B3GLCT: variants seen among roughly 807,000 people sequenced by gnomAD.
B3GLCT encodes beta 3-glucosyltransferase.
B3GLCT carries 65 observed loss-of-function variants against 63.4 expected under a neutral mutation model. That is an observed-to-expected ratio of 1.03 (90% CI 0.84 to 1.26). The LOEUF is 1.26. Among genes scored for constraint, B3GLCT ranks in the 50% most tolerant of loss-of-function variants. The pLI is 0.00. For synonymous variants in B3GLCT, 233 were observed against 219.2 expected (o/e 1.06, Z -0.55); for missense variants, 577 against 604.8 (o/e 0.95, Z 0.48).
At chr13:31,284,286 T>C (rs1244378870) in intron 10 of B3GLCT, among the ~76,000 whole-genome samples, 2 of 152,180 alleles carry the variant, frequency 1.3e-5, no homozygotes, top group Non-Finnish European at 2.9e-5. Context: ...CTTCTCATGC[T>C]CCACGGTAAG....
intron 4 of B3GLCT, 149 bp downstream of exon 4, chr13:31,229,443 G>A (rs146482083): frequency 9.9e-5 from 69 of 695,124 alleles, no homozygotes; most frequent in Non-Finnish European, 1.7e-4. Flanking sequence ...TTGAGTATTT[G>A]TTGTTGAAAA....
intron 2 of B3GLCT, among the ~76,000 whole-genome samples, chr13:31,217,309 T>G (rs1869610560): frequency 6.6e-6 from 1 of 152,198 alleles, no homozygotes; most frequent in African/African-American, 2.4e-5. Flanking sequence ...TTTTGCTTGT[T>G]GATTAGCTTA....
rs906926740 is a variant in B3GLCT at position 31,329,708 on chromosome 13, A to G, written c.*40A>G. 5 of 1,607,376 alleles carry G rather than the reference A, an allele frequency of 3.1e-6. No homozygotes were observed. In the African/African-American group the frequency reaches 6.7e-5, roughly 21 times the overall value. Reference sequence around the variant, plus strand: ...TGCGCCTAGCCTGCGCAGGGAATGAACTGGAGACTGTGGCCTCATCCCACT... The same window carrying G: ...TGCGCCTAGCCTGCGCAGGGAATGAGCTGGAGACTGTGGCCTCATCCCACT... On this transcript the variant is annotated 3_prime_UTR_variant, in exon 15 of 15. Coordinates refer to ENST00000343307, the MANE Select transcript of B3GLCT (RefSeq NM_194318.4).
At chr13:31,291,346 T>C (rs576258604) in intron 12 of B3GLCT, among the ~76,000 whole-genome samples, 1 of 152,362 alleles carries the variant, frequency 6.6e-6, no homozygotes, top group East Asian at 1.9e-4. Flanking sequence ...TAAAATAGTT[T>C]TTTCTAATTC....
At chr13:31,218,442 T>C (rs1396330362) in intron 2 of B3GLCT, among the ~76,000 whole-genome samples, 2 of 152,154 alleles carry the variant, frequency 1.3e-5, no homozygotes, top group African/African-American at 2.4e-5. Flanking sequence ...TGCCTCAGCC[T>C]CCCAAAGTGC....
At chr13:31,325,351 C>T (rs1056334138) in intron 14 of B3GLCT, among the ~76,000 whole-genome samples, 8 of 152,182 alleles carry the variant, frequency 5.3e-5, no homozygotes, top group African/African-American at 9.7e-5. Context: ...CCCTCTCTTG[C>T]TCTGTCTCAT....
chr13:31,248,869 G>A (rs537295898), intron 6 of B3GLCT, among the ~76,000 whole-genome samples: 5 of 152,188 alleles, frequency 3.3e-5, no homozygotes, highest in Admixed American at 6.5e-5. Context: ...TTGCTGCTGG[G>A]CTATGTTCAA....
Position 31,247,932 on chromosome 13 carries a change from T to C in B3GLCT, c.425T>C (p.Leu142Pro). ...EEETRIQIPK[L>P]LETLRRYDPS... ...GAGACAAGAATACAGATTCCAAAAC[T>C]CTTGGAAACCCTCAGAAGATATGAC... The change falls in exon 6 of 15, where the codon CTC becomes CCC. Residue 142 changes from leucine (L) to proline (P), a missense_variant. Transcript: ENST00000343307. 1.2e-6 allele frequency: 2 copies of C among 1,609,922 alleles called. No individual in the cohort carries two copies. The highest frequency in any genetic ancestry group is 1.7e-6 in the Non-Finnish European group (2 of 1,176,378).
In B3GLCT at chr13:31,261,005, C is replaced by A. The variant is rs745980708; in HGVS notation, c.519C>A (p.Ala173=). Residue 173 remains alanine (A), a synonymous_variant, in exon 7 of 15, where the codon GCC becomes GCA. Transcript: ENST00000343307. The stretch of plus-strand genomic sequence containing the variant: ...AAGCTACAATAATTCACCATTATGC[C>A]TTTTCCGAGAATCCTACAGTTTTTA... ...DEEATIIHHY[A]FSENPTVFKY... is the part of the protein sequence containing the mutation. 6.2e-7 allele frequency: 1 copy of A among 1,613,666 alleles called. No homozygotes were observed. Among genetic ancestry groups the A allele is most frequent in the East Asian group, 2.2e-5 (1 of 44,852 alleles).
At chr13:31,210,707 C>T (rs964651572) in intron 1 of B3GLCT, among the ~76,000 whole-genome samples, 13 of 152,138 alleles carry the variant, frequency 8.5e-5, no homozygotes, top group African/African-American at 3.1e-4. Flanking sequence ...AGTGGTATAG[C>T]ATATTCAGTG....
At chr13:31,240,968 T>C (rs1870912319) in intron 4 of B3GLCT, among the ~76,000 whole-genome samples, 2 of 152,318 alleles carry the variant, frequency 1.3e-5, no homozygotes, top group Admixed American at 1.3e-4. Context: ...ACTTAAATAA[T>C]ACTGTCCTTT....
chr13:31,261,005 C>G lies in B3GLCT; in HGVS notation c.519C>G (p.Ala173=), dbSNP rs745980708. ...AAGCTACAATAATTCACCATTATGC[C>G]TTTTCCGAGAATCCTACAGTTTTTA... is the stretch of plus-strand genomic sequence containing the variant. ...DEEATIIHHY[A]FSENPTVFKY... Residue 173 remains alanine, a synonymous_variant, in exon 7 of 15, where the codon GCC becomes GCG. Coordinates refer to ENST00000343307, the MANE Select transcript of B3GLCT (RefSeq NM_194318.4). 2 of 1,613,666 alleles carry G rather than the reference C, an allele frequency of 1.2e-6. No individual in the cohort carries two copies. Among genetic ancestry groups the G allele is most frequent in the East Asian group, 2.2e-5 (1 of 44,852 alleles).
chr13:31,208,369 C>G (rs1267226681), intron 1 of B3GLCT, among the ~76,000 whole-genome samples: 2 of 152,138 alleles, frequency 1.3e-5, no homozygotes, highest in African/African-American at 4.8e-5. Context: ...CCTTGGCTTC[C>G]GTTCTGGTGC....
intron 10 of B3GLCT, among the ~76,000 whole-genome samples, chr13:31,282,347 A>G (rs1873109203): frequency 2.0e-5 from 3 of 152,196 alleles, no homozygotes; most frequent in Non-Finnish European, 4.4e-5. Flanking sequence ...TGGCTAAGAG[A>G]TGACAGACAG....
Position 31,269,089 on chromosome 13 carries a change from C to A in B3GLCT, c.597-125C>A. The A allele has an allele frequency of 7.1e-6, 5 of 700,318 alleles. No individual in the cohort carries two copies. In the South Asian group the frequency reaches 8.5e-5, roughly 12 times the overall value. The allele number at this position is 700,318 out of a possible 1,614,324, so 43.4% of individuals were successfully genotyped here. ...AGTCCTTTCCCTCAAGGAATTTAAA[C>A]TGTTATTTTTATCTTTAAATCTGTA... is the stretch of plus-strand genomic sequence containing the variant. On this transcript the variant is annotated intron_variant, in intron 7 of 14. Transcript: ENST00000343307.
intron 8 of B3GLCT, among the ~76,000 whole-genome samples, chr13:31,272,137 A>G (rs1872595564): frequency 6.6e-6 from 1 of 151,166 alleles, no homozygotes; most frequent in Admixed American, 6.6e-5. Flanking sequence ...TAGCAAATTT[A>G]CCTTTATGTT....
intron 1 of B3GLCT, among the ~76,000 whole-genome samples, chr13:31,212,657 G>T (rs916296235): frequency 2.0e-5 from 3 of 152,128 alleles, no homozygotes; most frequent in South Asian, 2.1e-4. Context: ...GGGTCCTCCT[G>T]CCTTGGCCTC....
intron 7 of B3GLCT, among the ~76,000 whole-genome samples, chr13:31,262,876 T>C (rs1159576157): frequency 6.6e-6 from 1 of 152,190 alleles, no homozygotes; most frequent in Non-Finnish European, 1.5e-5. Context: ...GACTTCTCCA[T>C]GGGAGAAGTC....
At chr13:31,208,355 C>T (rs1286660245) in intron 1 of B3GLCT, among the ~76,000 whole-genome samples, 3 of 152,142 alleles carry the variant, frequency 2.0e-5, no homozygotes, top group Admixed American at 6.5e-5. Context: ...CTTGGCCTCA[C>T]GAGCCTTGGC....
Sources: gnomAD v4.1 joint callset for allele counts (sites outside exome capture counted in the v4.1 genomes callset) on GRCh38, gnomAD v4.1.1 for gene constraint, MANE v1.5 for transcripts, NCBI Gene and HGNC (gene_info 2026-07-23, HGNC 2026-07-21) for gene names.